The following AGBL4 variants were observed in gnomAD, a reference collection of about 807,000 sequenced individuals.
AGBL4 encodes cytosolic carboxypeptidase 6.
AGBL4 carries 58 observed loss-of-function variants against 66.4 expected under a neutral mutation model. The ratio of observed to expected loss-of-function variants is 0.87; its 90% confidence interval spans 0.71 to 1.09. AGBL4 has a LOEUF of 1.09. Among genes scored for constraint, AGBL4 ranks in the 50% least tolerant of loss-of-function variants. The pLI is 0.00. For missense variants in AGBL4, 579 were observed against 631.0 expected (o/e 0.92, Z 0.88); for synonymous variants, 234 against 222.9 (o/e 1.05, Z -0.44).
At chr1:49,937,162 A>C (rs1654155632) in intron 1 of AGBL4, among the ~76,000 whole-genome samples, 1 of 152,222 alleles carries the variant, frequency 6.6e-6, no homozygotes, top group Admixed American at 6.5e-5. Context: ...AAGCAAATGG[A>C]AAACAAAAAA....
chr1:48,572,020 G>C (rs1539527), intron 11 of AGBL4, among the ~76,000 whole-genome samples: 37,546 of 152,016 alleles, frequency 0.25, 4,819 homozygotes, highest in East Asian at 0.35. Context: ...AAGCTCAATA[G>C]GTATTACACT....
At chr1:49,122,381 G>A (rs1332635452) in intron 4 of AGBL4, among the ~76,000 whole-genome samples, 3 of 152,202 alleles carry the variant, frequency 2.0e-5, no homozygotes, top group Non-Finnish European at 4.4e-5. Context: ...AATACATAAA[G>A]TAATGGTATA....
rs771349074 is a variant in AGBL4 at position 48,581,747 on chromosome 1, T to C, written c.1267+5257A>G. 4.3e-4 allele frequency among the ~76,000 whole-genome samples: 66 copies of C among 152,352 alleles called. 1 individual carries two copies. The highest frequency in any genetic ancestry group is 2.5e-3 in the Admixed American group (38 of 15,300). On this transcript the variant is annotated intron_variant, in intron 11 of 13. Transcript: ENST00000371839. Reference sequence around the variant, plus strand: ...CTATATGCCCGGTGATTTATCTGCATGCATTCTCCCATGCAGCCCTAACAA... The same window carrying C: ...CTATATGCCCGGTGATTTATCTGCACGCATTCTCCCATGCAGCCCTAACAA...
chr1:49,386,752 T>G (rs1644744925), intron 3 of AGBL4, among the ~76,000 whole-genome samples: 2 of 151,890 alleles, frequency 1.3e-5, no homozygotes, highest in Non-Finnish European at 2.9e-5. Context: ...CATTTTAGAG[T>G]TGGAACAAAA....
intron 1 of AGBL4, among the ~76,000 whole-genome samples, chr1:49,945,135 C>T (rs2148300690): frequency 6.6e-6 from 1 of 152,150 alleles, no homozygotes; most frequent in South Asian, 2.1e-4. Context: ...GTTTGGAAAA[C>T]ATATTTGGGG....
intron 9 of AGBL4, among the ~76,000 whole-genome samples, chr1:48,592,942 C>A (rs917187501): frequency 1.3e-5 from 2 of 152,054 alleles, no homozygotes; most frequent in African/African-American, 4.8e-5. Context: ...TTTCTGATAA[C>A]CATATAGGTG....
chr1:48,958,798 C>A (rs1438629603), intron 5 of AGBL4, among the ~76,000 whole-genome samples: 1 of 152,240 alleles, frequency 6.6e-6, no homozygotes, highest in East Asian at 1.9e-4. Flanking sequence ...CACAGAGCCC[C>A]ATGCTTTATG....
intron 6 of AGBL4, among the ~76,000 whole-genome samples, chr1:48,744,916 G>A (rs754506723): frequency 6.6e-6 from 1 of 152,182 alleles, no homozygotes; most frequent in Non-Finnish European, 1.5e-5. Flanking sequence ...TACCTCATCT[G>A]TCTGCCAAGC....
chr1:49,337,021 C>G (rs1218910165), intron 3 of AGBL4, among the ~76,000 whole-genome samples: 2 of 152,174 alleles, frequency 1.3e-5, no homozygotes, highest in Non-Finnish European at 2.9e-5. Context: ...GGATTAATAT[C>G]TATCCCATTA....
At chr1:49,344,231 G>C (rs1645594936) in intron 3 of AGBL4, among the ~76,000 whole-genome samples, 1 of 151,942 alleles carries the variant, frequency 6.6e-6, no homozygotes, top group Non-Finnish European at 1.5e-5. Flanking sequence ...ATGTAATTAA[G>C]ACTACTGGAG....
intron 3 of AGBL4, among the ~76,000 whole-genome samples, chr1:49,311,275 G>C (rs1197730934): frequency 6.6e-6 from 1 of 151,946 alleles, no homozygotes; most frequent in Non-Finnish European, 1.5e-5. Flanking sequence ...TAGAGAAAGT[G>C]GTAGGATTTG....
At chr1:48,902,874 G>A (rs1652219606) in intron 5 of AGBL4, among the ~76,000 whole-genome samples, 1 of 152,078 alleles carries the variant, frequency 6.6e-6, no homozygotes, top group Admixed American at 6.6e-5. Context: ...CCCTCAGGAT[G>A]ATGTTCAAGA....
intron 2 of AGBL4, among the ~76,000 whole-genome samples, chr1:49,821,874 G>C (rs959292756): frequency 2.6e-5 from 4 of 152,052 alleles, no homozygotes; most frequent in African/African-American, 9.7e-5. Context: ...ACATAAATGT[G>C]GGTCAACATT....
At chr1:49,844,695 G>A in intron 2 of AGBL4, 1 of 1,597,908 alleles carries the variant, frequency 6.3e-7, no homozygotes, top group Middle Eastern at 1.7e-4. Flanking sequence ...TTTCAGACTT[G>A]GAAACTAGAC....
At chr1:48,534,828 G>C in intron 13 of AGBL4, 62 bp downstream of exon 13, 7 of 1,491,716 alleles carry the variant, frequency 4.7e-6, no homozygotes, top group Non-Finnish European at 6.4e-6. Context: ...GTGAGATACA[G>C]CCCTGGAGCA....
At chr1:48,952,631 G>A (rs1289118108) in intron 5 of AGBL4, among the ~76,000 whole-genome samples, 1 of 152,168 alleles carries the variant, frequency 6.6e-6, no homozygotes, top group African/African-American at 2.4e-5. Context: ...TGGTGATCTC[G>A]CCTCTGGTTT....
chr1:49,282,309 TATG>T (rs1644292160), intron 3 of AGBL4, among the ~76,000 whole-genome samples: 1 of 152,200 alleles, frequency 6.6e-6, no homozygotes, highest in African/African-American at 2.4e-5. Flanking sequence ...TGTTTTACAC[TATG>T]ATAACTCAAA....
chr1:48,736,348 C>T lies in AGBL4; in HGVS notation c.635-73107G>A, dbSNP rs762438103. 3 of 1,614,054 alleles carry T rather than the reference C, an allele frequency of 1.9e-6. No homozygotes were observed. Among genetic ancestry groups the T allele is most frequent in the Non-Finnish European group, 2.5e-6 (3 of 1,180,008 alleles). ...TTCTGTTTTTCAGAACATCTGTTCC[C>T]CAAATCATAACTGCCAAGTTCTTCG... is the stretch of plus-strand genomic sequence containing the variant. On this transcript the variant is annotated intron_variant, in intron 6 of 13. Coordinates refer to ENST00000371839, the MANE Select transcript of AGBL4 (RefSeq NM_032785.4). This position sits in a 1 kb window ranked among gnomAD's most constrained non-coding sequence, Gnocchi z 4.0.
intron 3 of AGBL4, among the ~76,000 whole-genome samples, chr1:49,509,673 T>C (rs1649026392): frequency 6.6e-6 from 1 of 151,956 alleles, no homozygotes; most frequent in Non-Finnish European, 1.5e-5. Context: ...TTACATAATG[T>C]TTAAGAGCTT....
Sources: allele counts gnomAD v4.1 joint callset (sites outside exome capture counted in the v4.1 genomes callset), GRCh38; gene constraint gnomAD v4.1.1; non-coding constraint Gnocchi (gnomAD v3.1); transcripts MANE v1.5; gene names NCBI Gene and HGNC (gene_info 2026-07-23, HGNC 2026-07-21).